The following AMOTL2 variants were observed in gnomAD, a reference collection of about 807,000 sequenced individuals.
AMOTL2 encodes the protein angiomotin like 2.
A neutral mutation model predicts 78.4 loss-of-function variants in AMOTL2; 33 were observed. The observed-to-expected ratio is 0.42, with a 90% CI of 0.32 to 0.56. The LOEUF (loss-of-function observed/expected upper bound fraction) is 0.56. Ranked by LOEUF, AMOTL2 falls within the 20% of genes least tolerant of loss-of-function variation. AMOTL2 has a pLI of 0.12. For missense variants in AMOTL2, 983 were observed against 1,030.1 expected (o/e 0.95, Z 0.63); for synonymous variants, 422 against 428.8 (o/e 0.98, Z 0.20).
intron 9 of AMOTL2, 52 bp downstream of exon 9, chr3:134,358,488 C>A: frequency 6.4e-7 from 1 of 1,567,886 alleles, no homozygotes. Context: ...AGTTCACACC[C>A]CAGTGCCCCC....
chr3:134,361,846 C>A, intron 5 of AMOTL2, 39 bp from the exon 6 acceptor site: 1 of 1,483,422 alleles, frequency 6.7e-7, no homozygotes. Context: ...ACAGTGACCA[C>A]GTTGGCTGGC....
In AMOTL2 at chr3:134,374,385, T is replaced by G. The variant is rs1271777375; in HGVS notation, c.-105A>C. 1.0e-6 allele frequency: 1 copy of G among 984,782 alleles called. No individual in the cohort carries two copies. The highest frequency in any genetic ancestry group is 1.2e-6 in the Non-Finnish European group (1 of 829,826). The allele number at this position is 984,782 out of a possible 1,614,324, so 61.0% of individuals were successfully genotyped here. ...CCCAGCGCAGTCAGACACCACAACC[T>G]CCGGCTCGGCCCAGCTCAGCTCGGC... On this transcript the variant is annotated 5_prime_UTR_variant, in exon 1 of 10. Coordinates refer to ENST00000249883, the MANE Select transcript of AMOTL2 (RefSeq NM_016201.4).
At chr3:134,364,171 G>A (rs2017499930) in intron 5 of AMOTL2, among the ~76,000 whole-genome samples, 1 of 152,096 alleles carries the variant, frequency 6.6e-6, no homozygotes, top group African/African-American at 2.4e-5. Context: ...TCCCAAAGCC[G>A]GGCGAAGGGC....
At chr3:134,365,581 C>A (rs563805242) in intron 5 of AMOTL2, among the ~76,000 whole-genome samples, 2 of 152,246 alleles carry the variant, frequency 1.3e-5, no homozygotes, top group African/African-American at 4.8e-5. Context: ...CCTGGCTTTC[C>A]CTCTTGTGTC....
chr3:134,361,814 G>A lies in AMOTL2; in HGVS notation c.1280-7C>T. The A allele has an allele frequency of 6.5e-7, 1 of 1,533,754 alleles. No individual in the cohort carries two copies. Among genetic ancestry groups the A allele is most frequent in the Non-Finnish European group, 8.8e-7 (1 of 1,134,442 alleles). On this transcript the variant is annotated splice_region_variant and splice_polypyrimidine_tract_variant and intron_variant, in intron 5 of 9. Coordinates refer to ENST00000249883, the MANE Select transcript of AMOTL2 (RefSeq NM_016201.4). ...TCCTGCTGCTGTTCGTAGCCTGTAG[G>A]GAGAAAGAGGCTTGATCAGTGACAG...
intron 1 of AMOTL2, 145 bp from the exon 2 acceptor site, chr3:134,371,639 G>A: frequency 7.5e-7 from 1 of 1,335,416 alleles, no homozygotes; most frequent in Non-Finnish European, 9.9e-7. Flanking sequence ...ACAAGCCTGG[G>A]TTCAAGTACC....
chr3:134,357,723 C>T lies in AMOTL2; in HGVS notation c.2325G>A (p.Met775Ile), dbSNP rs780353480. 3.7e-6 allele frequency: 6 copies of T among 1,614,204 alleles called. No individual in the cohort carries two copies. Among genetic ancestry groups the T allele is most frequent in the Non-Finnish European group, 5.1e-6 (6 of 1,180,026 alleles). Residue 775 changes from methionine to isoleucine, a missense_variant, in exon 10 of 10, where the codon ATG becomes ATA. Coordinates refer to ENST00000249883, the MANE Select transcript of AMOTL2 (RefSeq NM_016201.4). ...ATSRVQDLSD[M>I]VEILI ...ACCTCCTTCAGATCAGTATCTCCAC[C>T]ATGTCTGACAAGTCCTGGACTCTGG...
intron 1 of AMOTL2, chr3:134,373,532 C>A (rs1576590997): frequency 1.0e-6 from 1 of 985,618 alleles, no homozygotes; most frequent in Non-Finnish European, 1.2e-6. Flanking sequence ...TGCACTCGCC[C>A]GCTGCGCTCT....
chr3:134,362,754 C>G (rs1488013621), intron 5 of AMOTL2, among the ~76,000 whole-genome samples: 1 of 152,258 alleles, frequency 6.6e-6, no homozygotes, highest in African/African-American at 2.4e-5. Context: ...CCACAGAGCC[C>G]TCCATCTGAT....
In AMOTL2 at chr3:134,371,279, TGGGGGCTCCCTGTACCCCCA is replaced by T. The variant is rs746343868; in HGVS notation, c.135_154del (p.Gly47LeufsTer30). On this transcript the variant is annotated frameshift_variant, in exon 2 of 10. Transcript: ENST00000249883. LOFTEE classifies it high-confidence loss of function. ...TGGGGCCAGGATCTCCAGGGAGGCC[TGGGGGCTCCCTGTACCCCCA>T]GTTCCAGCCCCACCCCTCAGGGCCT... is the stretch of plus-strand genomic sequence containing the variant. The T allele has an allele frequency of 6.2e-7, 1 of 1,612,586 alleles. No individual in the cohort carries two copies. Among genetic ancestry groups the T allele is most frequent in the Non-Finnish European group, 8.5e-7 (1 of 1,179,972 alleles).
chr3:134,359,177 GC>G, intron 8 of AMOTL2, 105 bp downstream of exon 8: 4 of 1,265,832 alleles, frequency 3.2e-6, no homozygotes, highest in Non-Finnish European at 4.5e-6. Context: ...GGGTCAGGAA[GC>G]CCTGGCTCCT....
chr3:134,358,045 C>T (rs948156702), intron 9 of AMOTL2, among the ~76,000 whole-genome samples: 1 of 152,162 alleles, frequency 6.6e-6, no homozygotes, highest in African/African-American at 2.4e-5. Flanking sequence ...CAGGCTGCAG[C>T]ATTCTTTTCA....
At chr3:134,362,047 G>A (rs1343058843) in intron 5 of AMOTL2, among the ~76,000 whole-genome samples, 1 of 152,228 alleles carries the variant, frequency 6.6e-6, no homozygotes, top group Non-Finnish European at 1.5e-5. Context: ...GGGCTACCCT[G>A]CCTTTCTACT....
intron 1 of AMOTL2, chr3:134,373,850 T>C (rs1309417505): frequency 1.0e-6 from 1 of 984,618 alleles, no homozygotes; most frequent in Non-Finnish European, 1.2e-6. Flanking sequence ...GCAGGCTGCA[T>C]TCTTTCTAAG....
intron 2 of AMOTL2, 147 bp downstream of exon 2, chr3:134,370,553 G>A: frequency 3.7e-6 from 4 of 1,081,754 alleles, no homozygotes; most frequent in Non-Finnish European, 5.0e-6. Flanking sequence ...CCTCTTCTCT[G>A]CCAGGCATTA....
chr3:134,375,211 G>C, upstream of AMOTL2: 1 of 1,535,698 alleles, frequency 6.5e-7, no homozygotes, highest in South Asian at 1.2e-5. Flanking sequence ...CCGCCGCCAG[G>C]CGCTCTGTCC....
chr3:134,365,858 T>C lies in AMOTL2; in HGVS notation c.1238A>G (p.Gln413Arg). Residue 413 changes from glutamine (Q) to arginine (R), a missense_variant, in exon 5 of 10, where the codon CAG (glutamine) becomes CGG (arginine). Physicochemically the swap from Gln to Arg is conservative, Grantham distance 43. Coordinates refer to ENST00000249883, the MANE Select transcript of AMOTL2 (RefSeq NM_016201.4). ...GGCCACCATGTCCTGACTGCCGGCC[T>C]GGGCCTCCTGTGTCTTGCTTGCCAG... The part of the protein sequence containing the change: ...RRLASKTQEA[Q>R]AGSQDMVAKL... The C allele has an allele frequency of 2.5e-6, 4 of 1,614,214 alleles. No homozygotes were observed. Among genetic ancestry groups the C allele is most frequent in the Non-Finnish European group, 3.4e-6 (4 of 1,180,038 alleles).
intron 2 of AMOTL2, among the ~76,000 whole-genome samples, chr3:134,369,285 C>T (rs954049325): frequency 6.6e-6 from 1 of 152,164 alleles, no homozygotes; most frequent in African/African-American, 2.4e-5. Flanking sequence ...AGAACTTGCT[C>T]CCCCCTGCAC....
intron 1 of AMOTL2, chr3:134,373,404 A>C: frequency 1.1e-6 from 1 of 930,288 alleles, no homozygotes; most frequent in Non-Finnish European, 1.3e-6. Context: ...GAACATCTCC[A>C]AGGCCTCTCA....
Sources: allele counts gnomAD v4.1 joint callset (sites outside exome capture counted in the v4.1 genomes callset), GRCh38; gene constraint gnomAD v4.1.1; transcripts MANE v1.5; gene names NCBI Gene and HGNC (gene_info 2026-07-23, HGNC 2026-07-21).